NLRP8: variants seen among roughly 807,000 people sequenced by gnomAD.
The protein encoded by NLRP8 is NLR family pyrin domain containing 8.
Under a neutral mutation model 88.7 loss-of-function variants are expected in NLRP8, and 86 were observed. The observed-to-expected ratio is 0.97, with a 90% CI of 0.81 to 1.16. The LOEUF is 1.16. Among genes scored for constraint, NLRP8 ranks in the 50% most tolerant of loss-of-function variants. NLRP8 has a pLI of 0.00. For missense variants in NLRP8, 1,342 were observed against 1,286.5 expected (o/e 1.04, Z -0.66); for synonymous variants, 504 against 494.6 (o/e 1.02, Z -0.25).
At chr19:55,986,951 A>C (rs1308908743) in intron 9 of NLRP8, among the ~76,000 whole-genome samples, 1 of 152,218 alleles carries the variant, frequency 6.6e-6, no homozygotes, top group Non-Finnish European at 1.5e-5. Flanking sequence ...CCAGGACCAA[A>C]GGATTCCTTG....
At chr19:55,958,157 C>T (rs113338163) in intron 3 of NLRP8, among the ~76,000 whole-genome samples, 28 of 152,190 alleles carry the variant, frequency 1.8e-4, no homozygotes, top group East Asian at 9.7e-4. Flanking sequence ...TGACCCCTGG[C>T]GAGAGAGGGG....
intron 5 of NLRP8, among the ~76,000 whole-genome samples, chr19:55,970,129 T>G (rs1980007560): frequency 1.3e-5 from 2 of 152,176 alleles, no homozygotes; most frequent in Admixed American, 1.3e-4. Flanking sequence ...TTTAACATTC[T>G]CACTACAAAA....
chr19:55,976,451 C>T (rs1172372413), intron 8 of NLRP8, 148 bp downstream of exon 8: 36 of 746,598 alleles, frequency 4.8e-5, no homozygotes, highest in South Asian at 4.1e-4. Flanking sequence ...GCTTCTGAGC[C>T]GTGGTTCTCA....
chr19:55,966,139 C>T, intron 4 of NLRP8, 74 bp from the exon 5 acceptor site: 1 of 1,458,078 alleles, frequency 6.9e-7, no homozygotes, highest in Non-Finnish European at 9.5e-7. Context: ...TTCCGGGAGC[C>T]TCGTTTGTGA....
rs1293399904 is a variant in NLRP8 at position 55,966,354 on chromosome 19, C to A, written c.2355C>A (p.Ser785=). The A allele has an allele frequency of 6.2e-7, 1 of 1,613,958 alleles. No individual in the cohort carries two copies. The highest frequency in any genetic ancestry group is 8.5e-7 in the Non-Finnish European group (1 of 1,179,908). ...AGCTTCTATGCAGGGTGCTGAGATCCCCCCGGTGCCGTCTGCAGTGTCTCA... is the reference window on the plus strand; with the variant it reads ...AGCTTCTATGCAGGGTGCTGAGATCACCCCGGTGCCGTCTGCAGTGTCTCA... Residue 785 remains serine, a synonymous_variant, in exon 5 of 10, where the codon TCC becomes TCA. Transcript: ENST00000291971.
intron 9 of NLRP8, among the ~76,000 whole-genome samples, chr19:55,981,704 C>A (rs1980579668): frequency 6.6e-6 from 1 of 152,138 alleles, no homozygotes; most frequent in South Asian, 2.1e-4. Context: ...GAAATCACCT[C>A]ATGTTTAAGG....
chr19:55,984,674 A>C (rs1016671934), intron 9 of NLRP8, among the ~76,000 whole-genome samples: 1 of 123,688 alleles, frequency 8.1e-6, no homozygotes, highest in South Asian at 2.2e-4. Flanking sequence ...AAAAAAAAAA[A>C]CAACAGTTGT....
At chr19:55,958,395 G>A (rs1336072644) in intron 3 of NLRP8, among the ~76,000 whole-genome samples, 1 of 152,192 alleles carries the variant, frequency 6.6e-6, no homozygotes, top group Admixed American at 6.5e-5. Flanking sequence ...TAAATTTCAA[G>A]TAATTTAAGT....
At chr19:55,972,378 G>A (rs910423882) in intron 6 of NLRP8, among the ~76,000 whole-genome samples, 1 of 150,882 alleles carries the variant, frequency 6.6e-6, no homozygotes, top group African/African-American at 2.4e-5. Context: ...ACCTCCCAAA[G>A]TGCTGGGATT....
Position 55,988,609 on chromosome 19 carries a change from AAT to A in NLRP8, c.*698_*699del, listed in dbSNP as rs1980986170. ...ACCTGCTCAATCACCTCATCTTAAA[AAT>A]AAAATCACTGTCCCTAGACCATACT... is the stretch of plus-strand genomic sequence containing the variant. On this transcript the variant is annotated 3_prime_UTR_variant, in exon 10 of 10. Coordinates refer to ENST00000291971, the MANE Select transcript of NLRP8 (RefSeq NM_176811.2). 7.9e-6 allele frequency: 1 copy of A among 127,016 alleles called. No homozygotes were observed. The highest frequency in any genetic ancestry group is 3.0e-4 in the East Asian group (1 of 3,326). 7.9% of individuals were successfully genotyped at this position (127,016 alleles called of 1,614,324 possible).
intron 4 of NLRP8, among the ~76,000 whole-genome samples, 163 bp from the exon 5 acceptor site, chr19:55,966,050 G>T (rs1370266503): frequency 6.6e-6 from 1 of 152,112 alleles, no homozygotes; most frequent in Admixed American, 6.6e-5. Context: ...TCACAGGTTT[G>T]TGTCACTCTT....
rs777000805 is a variant in NLRP8, at chr19:55,988,438, G to GTATATA, written c.*526_*527insATATAT. Reference sequence around the variant, plus strand: ...CATATACACATAAATATATATATGTGTGTGTGTATATATATATATATATAT... The same window carrying GTATATA: ...CATATACACATAAATATATATATGTGTATATATGTGTGTATATATATATATATATAT... On this transcript the variant is annotated 3_prime_UTR_variant, in exon 10 of 10. Coordinates refer to ENST00000291971, the MANE Select transcript of NLRP8 (RefSeq NM_176811.2). 1,352 of 91,636 alleles carry GTATATA rather than the reference G, an allele frequency of 0.015. 20 individuals are homozygous for GTATATA. The highest frequency in any genetic ancestry group is 0.049 in the East Asian group (159 of 3,266). 5.7% of individuals were successfully genotyped at this position (91,636 alleles called of 1,614,324 possible).
At chr19:55,973,876 G>T in intron 7 of NLRP8, 54 bp downstream of exon 7, 1 of 1,506,340 alleles carries the variant, frequency 6.6e-7, no homozygotes, top group Non-Finnish European at 9.0e-7. Context: ...ACAGGGTGAT[G>T]AAGAGAACCT....
At chr19:55,974,359 A>G (rs1980212895) in intron 7 of NLRP8, among the ~76,000 whole-genome samples, 1 of 151,832 alleles carries the variant, frequency 6.6e-6, no homozygotes, top group Non-Finnish European at 1.5e-5. Flanking sequence ...TGGGAGGGAG[A>G]GTTGTGTGTC....
At chr19:55,963,752 C>A (rs1979715922) in intron 4 of NLRP8, among the ~76,000 whole-genome samples, 2 of 151,666 alleles carry the variant, frequency 1.3e-5, no homozygotes, top group South Asian at 4.2e-4. Context: ...ACAAGGTCTC[C>A]CTAGGTTGCC....
intron 8 of NLRP8, among the ~76,000 whole-genome samples, chr19:55,978,277 G>A (rs1048990950): frequency 7.9e-5 from 12 of 151,976 alleles, no homozygotes; most frequent in Non-Finnish European, 1.3e-4. Flanking sequence ...GTTAAATGGC[G>A]AGTTACTGAG....
At chr19:55,961,401 G>T (rs1007989415) in intron 3 of NLRP8, among the ~76,000 whole-genome samples, 5 of 152,000 alleles carry the variant, frequency 3.3e-5, no homozygotes, top group African/African-American at 1.2e-4. Context: ...CCTTTATTCT[G>T]ATCCTATATT....
intron 4 of NLRP8, among the ~76,000 whole-genome samples, chr19:55,962,911 G>A (rs73613414): frequency 0.14 from 21,198 of 152,216 alleles, 1,547 homozygotes; most frequent in East Asian, 0.19. Context: ...TCCAGGGTGT[G>A]GTGGTTACTC....
intron 4 of NLRP8, among the ~76,000 whole-genome samples, chr19:55,964,283 A>T (rs1002239111): frequency 1.1e-4 from 16 of 152,360 alleles, no homozygotes; most frequent in African/African-American, 3.6e-4. Flanking sequence ...ATTAATTCTC[A>T]CAGCCATTCT....
Sources: gnomAD v4.1 joint callset for allele counts (sites outside exome capture counted in the v4.1 genomes callset) on GRCh38, gnomAD v4.1.1 for gene constraint, MANE v1.5 for transcripts, NCBI Gene and HGNC (gene_info 2026-07-23, HGNC 2026-07-21) for gene names.